Variants in MECOM observed in about 807,000 individuals in gnomAD.
The protein encoded by MECOM is histone-lysine N-methyltransferase MECOM.
A neutral mutation model predicts 116.3 loss-of-function variants in MECOM; 13 were observed. The observed-to-expected ratio is 0.11, with a 90% confidence interval of 0.07 to 0.18. MECOM has a LOEUF of 0.18. MECOM is among the 10% of genes least tolerant of loss of function. The pLI, the probability that MECOM is intolerant of heterozygous loss-of-function variation, is 1.00. For synonymous variants in MECOM, 528 were observed against 535.2 expected (o/e 0.99, Z 0.19); for missense variants, 1,299 against 1,509.0 (o/e 0.86, Z 2.31).
At chr3:169,229,850 C>T (rs1214764289) in intron 2 of MECOM, among the ~76,000 whole-genome samples, 2 of 152,056 alleles carry the variant, frequency 1.3e-5, no homozygotes, top group Admixed American at 6.6e-5. Flanking sequence ...CTTTCAGCTA[C>T]AATGTTTTTT....
At chr3:169,469,584 T>A (rs550252663) in intron 1 of MECOM, among the ~76,000 whole-genome samples, 96 of 130,874 alleles carry the variant, frequency 7.3e-4, no homozygotes, top group Non-Finnish European at 1.2e-3. Context: ...GTATGAAAAA[T>A]GTACATTTCA....
intron 2 of MECOM, among the ~76,000 whole-genome samples, chr3:169,375,719 G>T (rs1577902193): frequency 6.6e-6 from 1 of 152,108 alleles, no homozygotes; most frequent in African/African-American, 2.4e-5. Flanking sequence ...CCCAGGACCA[G>T]ACAGATTCAC....
At chr3:169,536,737 C>G (rs1042371403) in intron 1 of MECOM, among the ~76,000 whole-genome samples, 1 of 152,086 alleles carries the variant, frequency 6.6e-6, no homozygotes, top group Non-Finnish European at 1.5e-5. Flanking sequence ...AAGACCTCAG[C>G]TCCTTTTAAT....
chr3:169,545,623 T>C (rs915599813), intron 1 of MECOM, among the ~76,000 whole-genome samples: 1 of 152,244 alleles, frequency 6.6e-6, no homozygotes, highest in African/African-American at 2.4e-5. Flanking sequence ...TTCAACCGGA[T>C]ATTTCAAATT....
At chr3:169,132,485 A>T (rs2149214762) in intron 3 of MECOM, among the ~76,000 whole-genome samples, 1 of 12,572 alleles carries the variant, frequency 8.0e-5, no homozygotes, top group South Asian at 3.0e-3. Context: ...TAAAAATGTC[A>T]TCAGTTTTTT....
At position 169,439,261 on chromosome 3, in the gene MECOM, A is replaced by G. The variant is rs576432177; in HGVS notation, c.38-57737T>C. Among the ~76,000 whole-genome samples the G allele has an allele frequency of 1.6e-3, 238 of 147,708 alleles. 5 individuals carry two copies. The highest frequency in any genetic ancestry group is 5.0e-3 in the African/African-American group (205 of 40,640). On this transcript the variant is annotated intron_variant, in intron 1 of 16. Transcript: ENST00000651503. ...GTTCATTTAGAGATAGCATAAGGAA[A>G]GAAAATACAAACTAGGAAAGATATT...
intron 1 of MECOM, 56 bp from the exon 2 acceptor site, chr3:169,381,580 C>T: frequency 1.5e-6 from 2 of 1,346,824 alleles, no homozygotes; most frequent in Non-Finnish European, 2.0e-6. Flanking sequence ...GACAAAATTC[C>T]ACAGGGGTAG....
At chr3:169,593,003 T>C (rs1053561005) in intron 1 of MECOM, among the ~76,000 whole-genome samples, 1 of 152,242 alleles carries the variant, frequency 6.6e-6, no homozygotes, top group African/African-American at 2.4e-5. Context: ...TGCCTTCATT[T>C]ATTATTCATT....
At chr3:169,224,078 G>C (rs1398897191) in intron 2 of MECOM, among the ~76,000 whole-genome samples, 1 of 152,164 alleles carries the variant, frequency 6.6e-6, no homozygotes, top group African/African-American at 2.4e-5. Flanking sequence ...ACTGACGGGG[G>C]TGCCTTTCAT....
intron 1 of MECOM, among the ~76,000 whole-genome samples, chr3:169,562,139 C>CAAAAAAAAAAAAAAAAAAAAAAAGAAA (rs1762717614): frequency 7.9e-5 from 2 of 25,280 alleles, no homozygotes; most frequent in African/African-American, 2.8e-4. Flanking sequence ...GAGCAATACT[C>CAAAAAAAAAAAAAAAAAAAAAAAGAAA]AAAAAAAAAA....
At chr3:169,468,423 A>G (rs1399326483) in intron 1 of MECOM, among the ~76,000 whole-genome samples, 3 of 152,178 alleles carry the variant, frequency 2.0e-5, no homozygotes, top group Admixed American at 2.0e-4. Context: ...TTAATTGTGT[A>G]ATTAATTTTT....
At position 169,238,568 on chromosome 3, in the gene MECOM, G is replaced by A. The variant is rs569166475; in HGVS notation, c.376-94736C>T. Reference sequence around the variant, plus strand: ...TAAAACCAAACCAAAAAAACCCCACGAACAAACCATTGAATAAAATTATTA... The same window carrying A: ...TAAAACCAAACCAAAAAAACCCCACAAACAAACCATTGAATAAAATTATTA... On this transcript the variant is annotated intron_variant, in intron 2 of 16. Transcript: ENST00000651503. 1.7e-3 allele frequency among the ~76,000 whole-genome samples: 262 copies of A among 152,144 alleles called. 2 individuals are homozygous for A. Among genetic ancestry groups the A allele is most frequent in the African/African-American group, 6.0e-3 (250 of 41,522 alleles).
In MECOM at chr3:169,095,179, G is replaced by A; in HGVS notation, c.2916C>T (p.His972=). Residue 972 remains histidine (H), a synonymous_variant, in exon 13 of 17, where the codon CAC becomes CAT. Coordinates refer to ENST00000651503, the MANE Select transcript of MECOM (RefSeq NM_004991.4). ...SNLQRHVRNI[H]NKEKPFKCHL... is the part of the protein sequence containing the mutation. ...GACACTTAAATGGCTTCTCTTTATT[G>A]TGGATGTTGCGAACATGCCTTTGCA... 3.7e-6 allele frequency: 6 copies of A among 1,613,548 alleles called. No homozygotes were observed. The highest frequency in any genetic ancestry group is 5.1e-6 in the Non-Finnish European group (6 of 1,179,790).
At position 169,611,604 on chromosome 3, in the gene MECOM, C is replaced by T. The variant is rs574929340; in HGVS notation, c.37+51732G>A. ...TAACATGTCCTGTTTCCATTGCTTTCCTTCTGACTTAAAGAGCGTTCCTAT... is the reference window on the plus strand; with the variant it reads ...TAACATGTCCTGTTTCCATTGCTTTTCTTCTGACTTAAAGAGCGTTCCTAT... On this transcript the variant is annotated intron_variant, in intron 1 of 16. Transcript: ENST00000651503. This position sits in a 1 kb window ranked among gnomAD's most constrained non-coding sequence, Gnocchi z 4.1. Among the ~76,000 whole-genome samples the T allele has an allele frequency of 9.8e-5, 15 of 152,320 alleles. No homozygotes were observed. The East Asian group carries it at 2.9e-3, about 29-fold the overall frequency.
At chr3:169,450,263 A>T (rs187632606) in intron 1 of MECOM, among the ~76,000 whole-genome samples, 1 of 152,310 alleles carries the variant, frequency 6.6e-6, no homozygotes, top group Non-Finnish European at 1.5e-5. Context: ...TGAAGACTGT[A>T]CGGGAAATTC....
chr3:169,456,611 C>G (rs1025930474), intron 1 of MECOM, among the ~76,000 whole-genome samples: 1 of 152,140 alleles, frequency 6.6e-6, no homozygotes, highest in South Asian at 2.1e-4. Flanking sequence ...TCCAAACCCA[C>G]CACGGACCTG....
At chr3:169,397,998 AACTGCTAG>A (rs1227603304) in intron 1 of MECOM, among the ~76,000 whole-genome samples, 2 of 152,168 alleles carry the variant, frequency 1.3e-5, no homozygotes, top group Non-Finnish European at 1.5e-5. Context: ...AATCCTAGTG[AACTGCTAG>A]CAAAGAGTGA....
chr3:169,155,657 C>A (rs1455325188), intron 2 of MECOM, among the ~76,000 whole-genome samples: 1 of 152,130 alleles, frequency 6.6e-6, no homozygotes, highest in Non-Finnish European at 1.5e-5. Context: ...GAAAATAAAG[C>A]CCCTAATCCA....
intron 2 of MECOM, among the ~76,000 whole-genome samples, chr3:169,326,642 G>A (rs892919749): frequency 7.2e-5 from 11 of 151,930 alleles, no homozygotes; most frequent in African/African-American, 2.7e-4. Flanking sequence ...TTCAATAATC[G>A]GAGTCTATTT....
Sources: allele counts gnomAD v4.1 joint callset (sites outside exome capture counted in the v4.1 genomes callset), GRCh38; gene constraint gnomAD v4.1.1; non-coding constraint Gnocchi (gnomAD v3.1); transcripts MANE v1.5; gene names NCBI Gene and HGNC (gene_info 2026-07-23, HGNC 2026-07-21).